VPS13A: variants seen among roughly 807,000 people sequenced by gnomAD.
VPS13A encodes the protein intermembrane lipid transfer protein VPS13A.
A neutral mutation model predicts 390.9 loss-of-function variants in VPS13A; 264 were observed. That is an observed-to-expected ratio of 0.68 (90% CI 0.61 to 0.75). The LOEUF (loss-of-function observed/expected upper bound fraction) is 0.75. Among genes scored for constraint, VPS13A ranks in the 30% least tolerant of loss-of-function variants. The pLI is 0.00. For synonymous variants in VPS13A, 1,231 were observed against 1,227.1 expected (o/e 1.00, Z -0.07); for missense variants, 3,409 against 3,733.9 (o/e 0.91, Z 2.27).
chr9:77,365,327 C>G, intron 59 of VPS13A, 133 bp from the exon 60 acceptor site: 1 of 655,718 alleles, frequency 1.5e-6, no homozygotes. Context: ...ATGTTACTTT[C>G]CCTTCTGAGG....
At chr9:77,343,870 T>C (rs142329626) in intron 50 of VPS13A, among the ~76,000 whole-genome samples, 50 of 152,278 alleles carry the variant, frequency 3.3e-4, no homozygotes, top group East Asian at 2.7e-3. Context: ...TCAACCCTTC[T>C]CTGTAAGATC....
chr9:77,407,120 G>A (rs1339430311), intron 70 of VPS13A, among the ~76,000 whole-genome samples: 1 of 152,116 alleles, frequency 6.6e-6, no homozygotes, highest in African/African-American at 2.4e-5. Context: ...ATGTGTTTAT[G>A]TACGTATGCA....
intron 10 of VPS13A, among the ~76,000 whole-genome samples, chr9:77,219,090 A>G (rs1371785750): frequency 6.6e-6 from 1 of 152,088 alleles, no homozygotes; most frequent in African/African-American, 2.4e-5. Context: ...GGGCAGAGAA[A>G]GGTTGGAGGA....
intron 68 of VPS13A, among the ~76,000 whole-genome samples, chr9:77,390,663 TTTGTTGTTG>T (rs200982435): frequency 2.6e-5 from 3 of 113,724 alleles, no homozygotes; most frequent in East Asian, 3.1e-4. Flanking sequence ...TCCCTCTCTT[TTTGTTGTTG>T]TTGTTGTTGT....
intron 33 of VPS13A, among the ~76,000 whole-genome samples, chr9:77,301,348 A>C (rs2131389679): frequency 6.6e-6 from 1 of 152,318 alleles, no homozygotes; most frequent in East Asian, 1.9e-4. Flanking sequence ...AACTGAAAAA[A>C]AGAAAAGAAA....
chr9:77,305,182 C>G lies in VPS13A; in HGVS notation c.3960+2120C>G, dbSNP rs375881543. Among the ~76,000 whole-genome samples, 5 of 152,232 alleles carry G rather than the reference C, an allele frequency of 3.3e-5. No homozygotes were observed. In the South Asian group the frequency reaches 1.0e-3, roughly 32 times the overall value. On this transcript the variant is annotated intron_variant, in intron 34 of 71. Coordinates refer to ENST00000360280, the MANE Select transcript of VPS13A (RefSeq NM_033305.3). ...CTTGATCTCCTGACCTCGTGATCCA[C>G]CCCCCTTGGCCTCCCAAAGTGCTGG...
At position 77,325,631 on chromosome 9, in the gene VPS13A, G is replaced by A. The variant is rs141930639; in HGVS notation, c.5991+2404G>A. On this transcript the variant is annotated intron_variant, in intron 45 of 71. Coordinates refer to ENST00000360280, the MANE Select transcript of VPS13A (RefSeq NM_033305.3). ...ATTTTATTTCCTTGTTGGCTTATTGGCTGTATCTCTTTATACTTCCTTGTC... is the reference window on the plus strand; with the variant it reads ...ATTTTATTTCCTTGTTGGCTTATTGACTGTATCTCTTTATACTTCCTTGTC... Among the ~76,000 whole-genome samples, 130 of 150,500 alleles carry A rather than the reference G, an allele frequency of 8.6e-4. 1 individual carries two copies. The highest frequency in any genetic ancestry group is 2.9e-3 in the East Asian group (15 of 5,110).
intron 71 of VPS13A, among the ~76,000 whole-genome samples, chr9:77,413,397 A>G (rs1564003127): frequency 6.6e-6 from 1 of 152,232 alleles, no homozygotes; most frequent in African/African-American, 2.4e-5. Flanking sequence ...ACAGAGATAT[A>G]GACCAATGGA....
intron 13 of VPS13A, among the ~76,000 whole-genome samples, chr9:77,224,030 C>G (rs918827339): frequency 3.9e-5 from 6 of 152,188 alleles, no homozygotes; most frequent in Non-Finnish European, 8.8e-5. Flanking sequence ...TATGCTAACT[C>G]TACTCTGGCT....
At chr9:77,361,808 T>G (rs191253703) in intron 59 of VPS13A, among the ~76,000 whole-genome samples, 1 of 149,832 alleles carries the variant, frequency 6.7e-6, no homozygotes, top group Non-Finnish European at 1.5e-5. Flanking sequence ...TCCCCAACAC[T>G]TGTTACTATC....
intron 46 of VPS13A, among the ~76,000 whole-genome samples, chr9:77,332,855 CAG>C (rs1185317479): frequency 2.0e-5 from 3 of 152,138 alleles, no homozygotes; most frequent in African/African-American, 7.2e-5. Flanking sequence ...TACAGAAGGA[CAG>C]AGGCAAAACT....
chr9:77,313,899 G>A (rs1307801940), intron 35 of VPS13A, 93 bp from the exon 36 acceptor site: 1 of 1,318,772 alleles, frequency 7.6e-7, no homozygotes, highest in Non-Finnish European at 1.1e-6. Flanking sequence ...TACTATACCT[G>A]TTTAATAATT....
intron 69 of VPS13A, among the ~76,000 whole-genome samples, chr9:77,403,672 CTGTT>C (rs1834479642): frequency 6.6e-6 from 1 of 152,130 alleles, no homozygotes; most frequent in Non-Finnish European, 1.5e-5. Context: ...CTGGTAGTAT[CTGTT>C]TGTTAGAATA....
rs1003729895 is a variant in VPS13A at position 77,226,386 on chromosome 9, T to G, written c.1225-80T>G. ...TCATTTTGCTCAAGAGGATAAGTTC[T>G]CAGAATGTCTTGCTTATATTTGTTT... On this transcript the variant is annotated intron_variant, in intron 14 of 71. Coordinates refer to ENST00000360280, the MANE Select transcript of VPS13A (RefSeq NM_033305.3). 3 of 1,340,766 alleles carry G rather than the reference T, an allele frequency of 2.2e-6. No individual in the cohort carries two copies. The African/African-American group carries it at 4.3e-5, about 19-fold the overall frequency. The allele number at this position is 1,340,766 out of a possible 1,614,324, so 83.1% of individuals were successfully genotyped here. A position where few individuals can be genotyped will look rare whatever the true frequency, so the allele number is the denominator to read the frequency against.
chr9:77,333,472 C>T (rs534828676), intron 46 of VPS13A, among the ~76,000 whole-genome samples: 13 of 130,564 alleles, frequency 1.0e-4, no homozygotes, highest in African/African-American at 3.7e-4. Flanking sequence ...GCTCTTGTTG[C>T]CCAGGCTGGA....
chr9:77,323,114 G>A lies in VPS13A; in HGVS notation c.5878G>A (p.Gly1960Arg). The part of the protein sequence containing the change: ...TADKIPLTKV[G>R]RRLYTVRHRE... Reference sequence around the variant, plus strand: ...TGATAAGATTCCTTTAACAAAAGTGGGACGACGTCTGTACACTGTAAGACA... The same window carrying A: ...TGATAAGATTCCTTTAACAAAAGTGAGACGACGTCTGTACACTGTAAGACA... The change falls in exon 45 of 72, where the codon GGA (glycine) becomes AGA (arginine). Residue 1960 changes from glycine to arginine, a missense_variant. By Grantham distance (125) the Gly-to-Arg change is moderately radical. Around this residue, in one of 5 missense-constraint regions of VPS13A, gnomAD observed 2,717 missense variants for 2,917.4 expected, o/e 0.93. Transcript: ENST00000360280. 6.2e-7 allele frequency: 1 copy of A among 1,613,108 alleles called. No individual in the cohort carries two copies. The highest frequency in any genetic ancestry group is 1.1e-5 in the South Asian group (1 of 91,010).
intron 34 of VPS13A, among the ~76,000 whole-genome samples, chr9:77,303,494 A>G (rs1035273865): frequency 6.6e-6 from 1 of 152,186 alleles, no homozygotes; most frequent in South Asian, 2.1e-4. Context: ...GAGAAAAGAA[A>G]TAAGACACAG....
At chr9:77,194,874 C>T (rs1299229927) in intron 1 of VPS13A, among the ~76,000 whole-genome samples, 1 of 152,058 alleles carries the variant, frequency 6.6e-6, no homozygotes, top group Non-Finnish European at 1.5e-5. Context: ...GTGGTGGAAG[C>T]TCTTCCTGAC....
chr9:77,361,482 ATC>A (rs1832136192), intron 59 of VPS13A, among the ~76,000 whole-genome samples: 1 of 152,098 alleles, frequency 6.6e-6, no homozygotes, highest in Non-Finnish European at 1.5e-5. Flanking sequence ...TTATCCATAT[ATC>A]TGTTAATGGA....
Sources: allele counts gnomAD v4.1 joint callset (sites outside exome capture counted in the v4.1 genomes callset), GRCh38; gene constraint gnomAD v4.1.1; regional missense constraint gnomAD v4.1.1; transcripts MANE v1.5; gene names NCBI Gene and HGNC (gene_info 2026-07-23, HGNC 2026-07-21).